The following MED17 variants were observed in gnomAD, a reference collection of about 807,000 sequenced individuals.
The protein encoded by MED17 is mediator of RNA polymerase II transcription subunit 17.
In MED17, 49 loss-of-function variants were observed where a neutral mutation model predicts 80.8. That is an observed-to-expected ratio of 0.61 (90% CI 0.48 to 0.77). MED17 has a LOEUF of 0.77. Among genes scored for constraint, MED17 ranks in the 30% least tolerant of loss-of-function variants. The pLI is 0.00. For synonymous variants in MED17, 281 were observed against 280.4 expected (o/e 1.00, Z -0.02); for missense variants, 718 against 787.0 (o/e 0.91, Z 1.05).
intron 1 of MED17, among the ~76,000 whole-genome samples, chr11:93,785,969 A>T (rs1309117944): frequency 1.3e-5 from 2 of 151,888 alleles, no homozygotes; most frequent in Admixed American, 6.6e-5. Flanking sequence ...GTGCCACCGC[A>T]CTCCAGCCTG....
At chr11:93,786,298 A>G (rs957735901) in intron 1 of MED17, among the ~76,000 whole-genome samples, 1 of 152,206 alleles carries the variant, frequency 6.6e-6, no homozygotes, top group African/African-American at 2.4e-5. Context: ...TCTCATTACT[A>G]GGGACTGGGA....
In MED17 at chr11:93,797,731, G is replaced by A. The variant is rs16919387; in HGVS notation, c.1328+12G>A. ...TTTCTAAGGAGTAGGTAAGGTTGAAGAAAGTTACTGTTTTCTGTTTTTTCT... is the reference window on the plus strand; with the variant it reads ...TTTCTAAGGAGTAGGTAAGGTTGAAAAAAGTTACTGTTTTCTGTTTTTTCT... On this transcript the variant is annotated intron_variant, in intron 8 of 11. Transcript: ENST00000251871. 6,770 of 1,603,334 alleles carry A rather than the reference G, an allele frequency of 4.2e-3. 219 individuals carry two copies. The African/African-American group carries it at 0.076, about 18-fold the overall frequency.
At position 93,814,274 on chromosome 11, in the gene MED17, A is replaced by G. The variant is rs949149540; in HGVS notation, c.*2210A>G. On this transcript the variant is annotated 3_prime_UTR_variant, in exon 12 of 12. Coordinates refer to ENST00000251871, the MANE Select transcript of MED17 (RefSeq NM_004268.5). ...CCGACCTAAAGAATTGTAGAAACTA[A>G]AGCAAATGTGTGGGAAAATGGTAGC... 6.6e-6 allele frequency: 1 copy of G among 152,182 alleles called. No homozygotes were observed. The highest frequency in any genetic ancestry group is 1.5e-5 in the Non-Finnish European group (1 of 68,034). 9.4% of individuals were successfully genotyped at this position (152,182 alleles called of 1,614,324 possible). A position where few individuals can be genotyped will look rare whatever the true frequency, so the allele number is the denominator to read the frequency against.
intron 9 of MED17, chr11:93,805,975 C>CTTTTTTTTTTTT (rs71064787): frequency 1.5e-5 from 1 of 65,542 alleles, no homozygotes; most frequent in Non-Finnish European, 2.8e-5. Flanking sequence ...GACCCTGTCT[C>CTTTTTTTTTTTT]TTTTTTTTTT....
At chr11:93,808,409 C>A (rs1474141409) in intron 10 of MED17, 3 of 150,082 alleles carry the variant, frequency 2.0e-5, no homozygotes, top group African/African-American at 7.4e-5. Context: ...GTGTTCTAGT[C>A]CCAGCTCTAC....
intron 10 of MED17, chr11:93,808,005 A>G (rs1460955591): frequency 2.3e-5 from 7 of 307,660 alleles, no homozygotes; most frequent in Admixed American, 4.7e-5. Flanking sequence ...ATAAAAAACT[A>G]TAATGACCAT....
chr11:93,790,545 G>C (rs761610353), intron 2 of MED17, 29 bp from the exon 3 acceptor site: 1 of 1,583,362 alleles, frequency 6.3e-7, no homozygotes, highest in East Asian at 2.2e-5. Context: ...AAATCCTGCA[G>C]AACTGCATGT....
intron 9 of MED17, 145 bp from the exon 10 acceptor site, chr11:93,807,373 A>T: frequency 1.6e-6 from 1 of 643,384 alleles, no homozygotes; most frequent in Non-Finnish European, 2.8e-6. Flanking sequence ...AGATCACGCC[A>T]CTGCACTCCA....
intron 9 of MED17, among the ~76,000 whole-genome samples, chr11:93,804,841 T>G (rs975756548): frequency 2.0e-5 from 3 of 152,256 alleles, no homozygotes; most frequent in African/African-American, 4.8e-5. Flanking sequence ...ACGTGATTTT[T>G]AAACTCAGTA....
At chr11:93,784,832 C>G (rs1943752125) in intron 1 of MED17, 69 bp downstream of exon 1, 1 of 1,524,152 alleles carries the variant, frequency 6.6e-7, no homozygotes, top group African/African-American at 1.4e-5. Context: ...CTCCGCCTCT[C>G]CCGCGATGGG....
intron 8 of MED17, chr11:93,801,255 C>T (rs1943958754): frequency 1.3e-5 from 2 of 152,742 alleles, no homozygotes; most frequent in South Asian, 4.1e-4. Context: ...TGATATAATT[C>T]ATGAAAGCTC....
At chr11:93,806,382 C>T (rs1264052078) in intron 9 of MED17, 2 of 152,144 alleles carry the variant, frequency 1.3e-5, no homozygotes, top group Non-Finnish European at 2.9e-5. Flanking sequence ...TGTGAGAGGA[C>T]ATAAAGCTGT....
At chr11:93,790,411 A>T (rs1205597027) in intron 2 of MED17, 163 bp from the exon 3 acceptor site, 1 of 675,266 alleles carries the variant, frequency 1.5e-6, no homozygotes, top group Non-Finnish European at 2.6e-6. Flanking sequence ...AGTGAGTTGG[A>T]CAAAGAAATA....
Position 93,784,549 on chromosome 11 carries a change from A to C in MED17, c.36A>C (p.Glu12Asp). ...TGCGCGCAGTGCGGATCAGCATCGA[A>C]TCGGCCTGCGAGAAGCAGGTCCATG... is the stretch of plus-strand genomic sequence containing the variant. Reference protein sequence around the residue: ...SGVRAVRISIESACEKQVHEV... With the variant: ...SGVRAVRISIDSACEKQVHEV... Residue 12 changes from glutamate (E) to aspartate (D), a missense_variant, in exon 1 of 12, where the codon GAA (glutamate) becomes GAC (aspartate). Coordinates refer to ENST00000251871, the MANE Select transcript of MED17 (RefSeq NM_004268.5). The C allele has an allele frequency of 6.2e-7, 1 of 1,612,454 alleles. No homozygotes were observed. The highest frequency in any genetic ancestry group is 8.5e-7 in the Non-Finnish European group (1 of 1,179,782).
chr11:93,790,163 T>A (rs1490129758), intron 2 of MED17: 1 of 267,794 alleles, frequency 3.7e-6, no homozygotes, highest in African/African-American at 2.2e-5. Context: ...ATTTCTGCCA[T>A]CATGCAGGTT....
chr11:93,804,240 AGT>A (rs1565293414), intron 9 of MED17, among the ~76,000 whole-genome samples: 1 of 151,918 alleles, frequency 6.6e-6, no homozygotes, highest in Non-Finnish European at 1.5e-5. Flanking sequence ...AGGCTAGGCC[AGT>A]GTCTCTTTTC....
At position 93,794,030 on chromosome 11, in the gene MED17, A is replaced by G. The variant is rs1299042667; in HGVS notation, c.854A>G (p.Lys285Arg). 6.2e-7 allele frequency: 1 copy of G among 1,612,150 alleles called. No individual in the cohort carries two copies. Among genetic ancestry groups the G allele is most frequent in the African/African-American group, 1.3e-5 (1 of 74,956 alleles). ...NLFKRPLPKSKPGSPHWQTKL... is the reference protein window; with the variant it reads ...NLFKRPLPKSRPGSPHWQTKL... The stretch of plus-strand genomic sequence containing the variant: ...TTCAAACGACCTTTGCCCAAATCCA[A>G]ACCAGGTATGGTTATGTTCTATTCT... The change falls in exon 5 of 12, where the codon AAA becomes AGA. Residue 285 changes from lysine to arginine, a missense_variant. Physicochemically the swap from Lys to Arg is conservative, Grantham distance 26. Transcript: ENST00000251871.
At chr11:93,799,960 T>C (rs1416412679) in intron 8 of MED17, among the ~76,000 whole-genome samples, 2 of 152,172 alleles carry the variant, frequency 1.3e-5, no homozygotes, top group Non-Finnish European at 2.9e-5. Flanking sequence ...CAAACAAATT[T>C]TTTACCTTGC....
Position 93,809,791 on chromosome 11 carries a change from T to C in MED17, c.1659T>C (p.Asn553=), listed in dbSNP as rs779348890. 3.7e-6 allele frequency: 6 copies of C among 1,614,072 alleles called. No homozygotes were observed. The African/African-American group carries it at 6.7e-5, about 18-fold the overall frequency. ...VMGWQVLSFS[N]HVGLGPIESI... is the part of the protein sequence containing the mutation. ...GCTGGCAAGTACTGAGCTTCAGTAA[T>C]CATGTGGGACTTGGACCTATAGAGA... Residue 553 remains asparagine, a synonymous_variant, in exon 11 of 12, where the codon AAT becomes AAC. Transcript: ENST00000251871.
Sources: gnomAD v4.1 joint callset for allele counts (sites outside exome capture counted in the v4.1 genomes callset) on GRCh38, gnomAD v4.1.1 for gene constraint, MANE v1.5 for transcripts, NCBI Gene and HGNC (gene_info 2026-07-23, HGNC 2026-07-21) for gene names.